The following EYS variants were observed in gnomAD, a reference collection of about 807,000 sequenced individuals.
EYS encodes protein eyes shut homolog.
A neutral mutation model predicts 282.1 loss-of-function variants in EYS; 250 were observed. The observed-to-expected ratio is 0.89, with a 90% CI of 0.80 to 0.98. The LOEUF (loss-of-function observed/expected upper bound fraction) is 0.98, where lower values mean the gene tolerates loss of function less well. EYS is among the 50% of genes least tolerant of loss of function. The pLI is 0.00. For missense variants in EYS, 4,016 were observed against 3,709.0 expected (o/e 1.08, Z -2.15); for synonymous variants, 1,355 against 1,282.9 (o/e 1.06, Z -1.20).
intron 26 of EYS, among the ~76,000 whole-genome samples, chr6:64,583,224 CT>C (rs1269234824): frequency 6.6e-6 from 1 of 151,866 alleles, no homozygotes; most frequent in East Asian, 1.9e-4. Context: ...AGAAGGAAAA[CT>C]TTTTCCTTAT....
intron 41 of EYS, among the ~76,000 whole-genome samples, chr6:63,731,311 C>G (rs903077369): frequency 6.6e-6 from 1 of 152,052 alleles, no homozygotes; most frequent in Non-Finnish European, 1.5e-5. Context: ...TTGAGTTTCT[C>G]GTGTGAATAT....
intron 12 of EYS, among the ~76,000 whole-genome samples, chr6:65,079,663 G>A (rs78404727): frequency 0.041 from 6,186 of 151,810 alleles, 186 homozygotes; most frequent in South Asian, 0.066. Flanking sequence ...TATGTGGCTC[G>A]CGTAATGTTT....
Position 63,961,064 on chromosome 6 carries a change from C to T in EYS, c.7055+23319G>A, listed in dbSNP as rs555471283. On this transcript the variant is annotated intron_variant, in intron 35 of 42. Transcript: ENST00000503581. Reference sequence around the variant, plus strand: ...TCTTAGTCTGCTCCTGCTGCTACAGCGAAATAACATAGATTGGGTAATTTA... The same window carrying T: ...TCTTAGTCTGCTCCTGCTGCTACAGTGAAATAACATAGATTGGGTAATTTA... Among the ~76,000 whole-genome samples, 12 of 152,224 alleles carry T rather than the reference C, an allele frequency of 7.9e-5. No individual in the cohort carries two copies. The South Asian group carries it at 1.5e-3, about 18-fold the overall frequency.
intron 26 of EYS, among the ~76,000 whole-genome samples, chr6:64,443,009 G>A (rs1004305703): frequency 4.6e-5 from 7 of 152,142 alleles, no homozygotes. Flanking sequence ...TAGATCCACT[G>A]ACGGCTTGCA....
chr6:64,272,814 A>G (rs757477044), intron 30 of EYS, among the ~76,000 whole-genome samples: 2 of 152,138 alleles, frequency 1.3e-5, no homozygotes, highest in African/African-American at 2.4e-5. Context: ...ATATATTTCA[A>G]TAAGGTTTTA....
chr6:64,787,454 GT>G (rs965869870), intron 22 of EYS, among the ~76,000 whole-genome samples: 40 of 149,194 alleles, frequency 2.7e-4, no homozygotes, highest in Middle Eastern at 3.4e-3. Context: ...TAAAAACTTT[GT>G]TTTTTTTTCT....
At chr6:65,268,190 A>G (rs1053846966) in intron 12 of EYS, among the ~76,000 whole-genome samples, 1 of 152,064 alleles carries the variant, frequency 6.6e-6, no homozygotes, top group Admixed American at 6.6e-5. Flanking sequence ...TGAAAGAATC[A>G]TTGCAAATAT....
chr6:65,517,942 T>C (rs1339541404), intron 2 of EYS, among the ~76,000 whole-genome samples: 1 of 152,050 alleles, frequency 6.6e-6, no homozygotes, highest in East Asian at 1.9e-4. Flanking sequence ...ACAATCTTGA[T>C]GTTTAGATAG....
intron 19 of EYS, among the ~76,000 whole-genome samples, chr6:64,886,023 T>C (rs1012971834): frequency 1.3e-5 from 2 of 151,752 alleles, no homozygotes; most frequent in Non-Finnish European, 2.9e-5. Flanking sequence ...TTGTAATCTC[T>C]GTGGGAATTG....
intron 12 of EYS, among the ~76,000 whole-genome samples, chr6:65,161,004 A>G (rs1764839235): frequency 6.6e-6 from 1 of 150,710 alleles, no homozygotes; most frequent in African/African-American, 2.4e-5. Context: ...ATCTACACTG[A>G]TTTTTCTAAG....
intron 36 of EYS, among the ~76,000 whole-genome samples, chr6:63,849,699 T>A (rs1456339578): frequency 6.6e-6 from 1 of 152,134 alleles, no homozygotes; most frequent in Non-Finnish European, 1.5e-5. Flanking sequence ...CAAAGGTAGA[T>A]AAACCCACAA....
intron 26 of EYS, among the ~76,000 whole-genome samples, chr6:64,457,453 A>C (rs1775591815): frequency 6.6e-6 from 1 of 152,036 alleles, no homozygotes; most frequent in African/African-American, 2.4e-5. Flanking sequence ...CATTGCTAAA[A>C]GTGAGGCACT....
At chr6:64,374,211 TG>T (rs1253574518) in intron 29 of EYS, among the ~76,000 whole-genome samples, 2 of 5,726 alleles carry the variant, frequency 3.5e-4, no homozygotes, top group African/African-American at 1.4e-3. Context: ...GTGTGGGGGG[TG>T]GGGGATGAGT....
intron 22 of EYS, among the ~76,000 whole-genome samples, chr6:64,693,217 A>AT (rs1336123215): frequency 1.3e-5 from 2 of 151,516 alleles, no homozygotes; most frequent in African/African-American, 2.4e-5. Flanking sequence ...GAAAGACTTA[A>AT]TTTTTTTCAT....
At chr6:65,075,133 A>G (rs188251619) in intron 12 of EYS, among the ~76,000 whole-genome samples, 11 of 152,144 alleles carry the variant, frequency 7.2e-5, no homozygotes, top group African/African-American at 1.9e-4. Flanking sequence ...TAAGTTGAGA[A>G]CATGAGTTCT....
At chr6:65,627,864 C>A (rs556937547) in intron 2 of EYS, among the ~76,000 whole-genome samples, 1 of 152,212 alleles carries the variant, frequency 6.6e-6, no homozygotes, top group Non-Finnish European at 1.5e-5. Flanking sequence ...GCCTCCCCAG[C>A]GAGCACCACC....
chr6:65,243,547 G>T (rs545706694), intron 12 of EYS, among the ~76,000 whole-genome samples: 5 of 152,128 alleles, frequency 3.3e-5, no homozygotes, highest in Admixed American at 1.3e-4. Context: ...TTACCATAAG[G>T]TTCTAATAGG....
chr6:64,064,455 G>T lies in EYS; in HGVS notation c.6725+1883C>A, dbSNP rs546264447. Among the ~76,000 whole-genome samples the T allele has an allele frequency of 1.9e-4, 29 of 152,162 alleles. No homozygotes were observed. The East Asian group carries it at 5.2e-3, about 27-fold the overall frequency. On this transcript the variant is annotated intron_variant, in intron 33 of 42. Coordinates refer to ENST00000503581, the MANE Select transcript of EYS (RefSeq NM_001142800.2). ...ATAATATGTAATATATAGTCCTAGG[G>T]TCAGCCTACTCTCACTTTGAGCTCT...
chr6:65,523,140 T>A lies in EYS; in HGVS notation c.-332-27147A>T, dbSNP rs139432243. Among the ~76,000 whole-genome samples, 12 of 152,310 alleles carry A rather than the reference T, an allele frequency of 7.9e-5. No homozygotes were observed. In the East Asian group the frequency reaches 1.9e-3, roughly 24 times the overall value. ...CTGTTATATATGATTTTTTTAAATG[T>A]CTATGATTTTTATTAGTAACATTTT... On this transcript the variant is annotated intron_variant, in intron 2 of 42. Coordinates refer to ENST00000503581, the MANE Select transcript of EYS (RefSeq NM_001142800.2).
Sources: allele counts gnomAD v4.1 joint callset (sites outside exome capture counted in the v4.1 genomes callset), GRCh38; gene constraint gnomAD v4.1.1; transcripts MANE v1.5; gene names NCBI Gene and HGNC (gene_info 2026-07-23, HGNC 2026-07-21).